NAALADL2: variants seen among roughly 807,000 people sequenced by gnomAD.
NAALADL2 encodes inactive N-acetylated-alpha-linked acidic dipeptidase-like protein 2.
In NAALADL2, 76 loss-of-function variants were observed where a neutral mutation model predicts 87.2. The ratio of observed to expected loss-of-function variants is 0.87; its 90% CI spans 0.72 to 1.05. The LOEUF (loss-of-function observed/expected upper bound fraction) is 1.05, where lower values mean the gene tolerates loss of function less well. Ranked by LOEUF, NAALADL2 falls within the 50% of genes least tolerant of loss-of-function variation. The probability of loss-of-function intolerance (pLI) is 0.00; values close to 1 mark genes in which losing one functional copy is unlikely to be tolerated. For missense variants in NAALADL2, 1,089 were observed against 945.8 expected, an observed-to-expected ratio of 1.15 and a Z score of -1.99; for synonymous variants, 354 against 331.0, an observed-to-expected ratio of 1.07 and a Z score of -0.75.
At chr3:175,150,924 G>T (rs535204673) in intron 2 of NAALADL2, among the ~76,000 whole-genome samples, 68 of 152,262 alleles carry the variant, frequency 4.5e-4, no homozygotes, top group African/African-American at 1.4e-3. Flanking sequence ...TGCCTTCAGG[G>T]CCATGCAGGT....
At chr3:175,059,478 T>C (rs1042949616) in intron 1 of NAALADL2, 2 of 207,020 alleles carry the variant, frequency 9.7e-6, no homozygotes, top group Non-Finnish European at 2.0e-5. Context: ...ATTTGAAGTT[T>C]TTAAATTACA....
intron 13 of NAALADL2, among the ~76,000 whole-genome samples, chr3:175,756,698 T>C (rs1263014666): frequency 2.6e-5 from 4 of 152,044 alleles, no homozygotes; most frequent in Admixed American, 2.6e-4. Context: ...TGTTATATAT[T>C]GGGTACACTG....
At chr3:175,705,155 A>G (rs1003092661) in intron 11 of NAALADL2, among the ~76,000 whole-genome samples, 3 of 152,018 alleles carry the variant, frequency 2.0e-5, no homozygotes, top group African/African-American at 4.8e-5. Context: ...AAGAAAGGCG[A>G]TGGAATAAGG....
At chr3:175,520,181 TA>T (rs1156795493) in intron 9 of NAALADL2, among the ~76,000 whole-genome samples, 1 of 152,086 alleles carries the variant, frequency 6.6e-6, no homozygotes, top group Admixed American at 6.5e-5. Flanking sequence ...TACCTTAAAT[TA>T]ATAAACTTTA....
chr3:175,675,876 AT>A (rs2149861849), intron 11 of NAALADL2: 1 of 152,194 alleles, frequency 6.6e-6, no homozygotes, highest in South Asian at 2.1e-4. Flanking sequence ...CTTTCTTGTC[AT>A]TATATGCATA....
chr3:175,084,817 T>G (rs1434573296), intron 1 of NAALADL2, among the ~76,000 whole-genome samples: 1 of 152,080 alleles, frequency 6.6e-6, no homozygotes, highest in Non-Finnish European at 1.5e-5. Flanking sequence ...GAGAAAAAAT[T>G]TAAAGGTAAT....
At chr3:175,228,722 G>C (rs2109421585) in intron 2 of NAALADL2, among the ~76,000 whole-genome samples, 1 of 151,978 alleles carries the variant, frequency 6.6e-6, no homozygotes, top group South Asian at 2.1e-4. Context: ...AGAAAAGTTT[G>C]TCTTTTAAAA....
chr3:174,882,400 AT>A (rs753896883), intron 1 of NAALADL2, among the ~76,000 whole-genome samples: 2 of 150,132 alleles, frequency 1.3e-5, no homozygotes, highest in Admixed American at 6.6e-5. Flanking sequence ...AACGGAACTA[AT>A]ATAATGTATA....
intron 1 of NAALADL2, among the ~76,000 whole-genome samples, chr3:174,941,464 T>C (rs1464341451): frequency 6.6e-6 from 1 of 152,134 alleles, no homozygotes; most frequent in Non-Finnish European, 1.5e-5. Context: ...GAGAAGAGTA[T>C]ATATTCTGTT....
At chr3:175,421,168 C>G (rs930581362) in intron 5 of NAALADL2, among the ~76,000 whole-genome samples, 1 of 151,896 alleles carries the variant, frequency 6.6e-6, no homozygotes, top group Non-Finnish European at 1.5e-5. Context: ...AGACCATATA[C>G]AGTTCAGACA....
At chr3:175,512,292 T>C (rs1002195265) in intron 9 of NAALADL2, among the ~76,000 whole-genome samples, 8 of 152,128 alleles carry the variant, frequency 5.3e-5, no homozygotes, top group Non-Finnish European at 1.2e-4. Context: ...TCTGGAGCAT[T>C]TTCATAAGCA....
At chr3:175,284,519 A>AG (rs1380516329) in intron 4 of NAALADL2, among the ~76,000 whole-genome samples, 1 of 151,974 alleles carries the variant, frequency 6.6e-6, no homozygotes, top group African/African-American at 2.4e-5. Context: ...CCTGATTTAA[A>AG]AAAAAAAATG....
At chr3:175,564,914 T>A (rs1240645711) in intron 9 of NAALADL2, among the ~76,000 whole-genome samples, 1 of 152,210 alleles carries the variant, frequency 6.6e-6, no homozygotes, top group Non-Finnish European at 1.5e-5. Context: ...AAGAAGTAGG[T>A]TTAGCTGCTG....
chr3:175,471,525 GCAATATAATAATTTTA>G, intron 8 of NAALADL2, 98 bp from the exon 9 acceptor site: 2 of 639,128 alleles, frequency 3.1e-6, no homozygotes, highest in Non-Finnish European at 5.4e-6. Context: ...AGGTAATTAT[GCAATATAATAATTTTA>G]AGTATGAAAT....
At chr3:175,026,735 G>A (rs972172500) in intron 1 of NAALADL2, among the ~76,000 whole-genome samples, 4 of 151,958 alleles carry the variant, frequency 2.6e-5, no homozygotes, top group Non-Finnish European at 5.9e-5. Context: ...CTGGTTTAAA[G>A]TGAGGGGAAA....
At chr3:175,647,352 T>A (rs1730156056) in intron 11 of NAALADL2, among the ~76,000 whole-genome samples, 1 of 152,112 alleles carries the variant, frequency 6.6e-6, no homozygotes, top group Non-Finnish European at 1.5e-5. Flanking sequence ...TACCTGGGTA[T>A]TTTGTCTTTT....
intron 2 of NAALADL2, among the ~76,000 whole-genome samples, chr3:175,212,231 G>A (rs2109274511): frequency 6.6e-6 from 1 of 151,890 alleles, no homozygotes; most frequent in African/African-American, 2.4e-5. Context: ...GCCCATTAAT[G>A]CTAGTTTATT....
At chr3:175,777,846 A>G (rs2150201072) in intron 13 of NAALADL2, among the ~76,000 whole-genome samples, 1 of 152,160 alleles carries the variant, frequency 6.6e-6, no homozygotes, top group Middle Eastern at 3.4e-3. Flanking sequence ...GAAAATGTAG[A>G]ACTTTTTCTC....
chr3:174,868,613 G>C (rs749101440), intron 1 of NAALADL2, among the ~76,000 whole-genome samples: 1 of 150,828 alleles, frequency 6.6e-6, no homozygotes, highest in Non-Finnish European at 1.5e-5. Flanking sequence ...GGTTAAATTG[G>C]TGTTTGCTTG....
Sources: gnomAD v4.1 joint callset for allele counts (sites outside exome capture counted in the v4.1 genomes callset) on GRCh38, gnomAD v4.1.1 for gene constraint, MANE v1.5 for transcripts, NCBI Gene and HGNC (gene_info 2026-07-23, HGNC 2026-07-21) for gene names.